Variants in DCAF8L2 observed in about 807,000 individuals in gnomAD.
The protein encoded by DCAF8L2 is DDB1- and CUL4-associated factor 8-like protein 2.
For synonymous variants in DCAF8L2, 200 were observed against 190.9 expected, an observed-to-expected ratio of 1.05 and a Z score of -0.39; for missense variants, 430 against 490.7, an observed-to-expected ratio of 0.88 and a Z score of 1.17.
chrX:27,642,790 T>C (rs1042028450), intron 2 of DCAF8L2, among the ~76,000 whole-genome samples: 1 of 111,997 alleles, frequency 8.9e-6, no homozygotes, highest in Non-Finnish European at 1.9e-5. Context: ...CAAATATAAT[T>C]GATACACTAT....
At chrX:27,656,238 A>G (rs940681044) in intron 2 of DCAF8L2, among the ~76,000 whole-genome samples, 2 of 112,310 alleles carry the variant, frequency 1.8e-5, no homozygotes, top group African/African-American at 6.5e-5. Flanking sequence ...AAACTCTCCC[A>G]AGCATTTACA....
the DCAF8L2 span, among the ~76,000 whole-genome samples, chrX:27,481,729 G>C: frequency 2.7e-5 from 3 of 111,732 alleles, no homozygotes; most frequent in Non-Finnish European, 3.8e-5. Flanking sequence ...TTCATTCACT[G>C]AGCTAGAAAA....
chrX:27,637,046 G>A (rs368722268), intron 2 of DCAF8L2, among the ~76,000 whole-genome samples: 1 of 111,592 alleles, frequency 9.0e-6, no homozygotes, highest in African/African-American at 3.3e-5. Context: ...CAGTTTAAAG[G>A]TTCTCCGAAA....
intron 4 of DCAF8L2, among the ~76,000 whole-genome samples, chrX:27,742,691 C>T (rs1326139544): frequency 2.7e-5 from 3 of 111,607 alleles, no homozygotes; most frequent in Non-Finnish European, 5.6e-5. Flanking sequence ...TACTAAAAGT[C>T]TATGCTCTTG....
chrX:27,567,123 T>A, the DCAF8L2 span, among the ~76,000 whole-genome samples: 1 of 111,482 alleles, frequency 9.0e-6, no homozygotes, highest in Admixed American at 9.6e-5. Context: ...TCTTCTTAAA[T>A]CTGTTAAGAC....
chrX:27,703,074 TAAG>T (rs1050247704), intron 3 of DCAF8L2, among the ~76,000 whole-genome samples: 8 of 111,287 alleles, frequency 7.2e-5, no homozygotes, highest in African/African-American at 1.3e-4. Context: ...AAAATGTAAT[TAAG>T]AAAACAATTA....
the DCAF8L2 span, among the ~76,000 whole-genome samples, chrX:27,562,801 C>G: frequency 8.9e-6 from 1 of 112,127 alleles, no homozygotes; most frequent in African/African-American, 3.2e-5. Context: ...TATTCTCTGC[C>G]TCGGAAGCAA....
the DCAF8L2 span, among the ~76,000 whole-genome samples, chrX:27,497,545 C>CTTTCTTTCTTTCTTTCTTTCTTTCT: frequency 1.3e-5 from 1 of 76,982 alleles, no homozygotes; most frequent in African/African-American, 7.7e-5. Context: ...TCCTTCCTTC[C>CTTTCTTTCTTTCTTTCTTTCTTTCT]TTCCTTCTTT....
chrX:27,671,236 T>A (rs1429672191), intron 2 of DCAF8L2, among the ~76,000 whole-genome samples: 1 of 112,325 alleles, frequency 8.9e-6, no homozygotes, highest in African/African-American at 3.2e-5. Flanking sequence ...AGTTGGTTGC[T>A]ACTGAGTACC....
chrX:27,669,319 ACT>A (rs1255853983), intron 2 of DCAF8L2, among the ~76,000 whole-genome samples: 5 of 110,516 alleles, frequency 4.5e-5, no homozygotes, highest in Non-Finnish European at 9.5e-5. Context: ...CAAAACTATC[ACT>A]GACTGTTAGA....
At chrX:27,485,830 T>C in the DCAF8L2 span, among the ~76,000 whole-genome samples, 5 of 110,000 alleles carry the variant, frequency 4.5e-5, no homozygotes, top group Admixed American at 9.9e-5. Flanking sequence ...TATTACAAGG[T>C]TTTCAAAAAT....
At position 27,748,664 on chromosome X, in the gene DCAF8L2, G is replaced by T; in HGVS notation, c.1769G>T (p.Arg590Ile). ...TTCCTCCTGCGTCACGTGACGCAGA[G>T]AGGTCGTCACCAGGACTGGAGAAGT... ...LWFLLRHVTQ[R>I]GRHQDWRSGE... Residue 590 changes from arginine (R) to isoleucine (I), a missense_variant, in exon 5 of 5, where the codon AGA becomes ATA. By Grantham distance (97) the Arg-to-Ile change is moderately conservative. Coordinates refer to ENST00000451261, the MANE Select transcript of DCAF8L2 (RefSeq NM_001353450.2). 1.7e-6 allele frequency: 2 copies of T among 1,196,336 alleles called. No homozygotes were observed. The highest frequency in any genetic ancestry group is 2.3e-6 in the Non-Finnish European group (2 of 886,686).
At chrX:27,514,700 A>C in the DCAF8L2 span, among the ~76,000 whole-genome samples, 4 of 100,063 alleles carry the variant, frequency 4.0e-5, no homozygotes, top group Non-Finnish European at 7.8e-5. Flanking sequence ...AAAAAACAAA[A>C]AAAAAAAACA....
chrX:27,504,742 T>C, the DCAF8L2 span, among the ~76,000 whole-genome samples: 2 of 111,251 alleles, frequency 1.8e-5, no homozygotes, highest in Non-Finnish European at 3.8e-5. Context: ...GGTGAATATT[T>C]AGGATGAAAT....
intron 3 of DCAF8L2, among the ~76,000 whole-genome samples, chrX:27,697,811 TG>T (rs1930981711): frequency 9.1e-6 from 1 of 110,253 alleles, no homozygotes; most frequent in Admixed American, 9.7e-5. Context: ...GGGAGAATAT[TG>T]TTTTTAATAC....
Position 27,642,843 on chromosome X carries a change from A to G in DCAF8L2, c.-220+10843A>G, listed in dbSNP as rs190295150. Among the ~76,000 whole-genome samples, 477 of 112,192 alleles carry G rather than the reference A, an allele frequency of 4.3e-3. 1 individual carries two copies. The highest frequency in any genetic ancestry group is 0.015 in the African/African-American group (451 of 30,920). On this transcript the variant is annotated intron_variant, in intron 2 of 4. Transcript: ENST00000451261. ...TTTGAAAAGAACATATATTCTCAATAATAGTGATGTACAACTTGGACGTTG... is the reference window on the plus strand; with the variant it reads ...TTTGAAAAGAACATATATTCTCAATGATAGTGATGTACAACTTGGACGTTG...
At chrX:27,512,529 C>G in the DCAF8L2 span, among the ~76,000 whole-genome samples, 1 of 106,132 alleles carries the variant, frequency 9.4e-6, no homozygotes, top group Admixed American at 1.0e-4. Flanking sequence ...ATTAAAAATA[C>G]AAAAATTAGC....
At chrX:27,593,168 A>G (rs781703036) in intron 1 of DCAF8L2, among the ~76,000 whole-genome samples, 1 of 111,553 alleles carries the variant, frequency 9.0e-6, no homozygotes, top group South Asian at 3.8e-4. Flanking sequence ...AACCATCACC[A>G]CCATCCACCT....
At chrX:27,522,603 G>A in the DCAF8L2 span, among the ~76,000 whole-genome samples, 3 of 111,412 alleles carry the variant, frequency 2.7e-5, no homozygotes, top group Non-Finnish European at 3.8e-5. Context: ...AAGCAATTCC[G>A]CATTTCCCCT....
Sources: gnomAD v4.1 joint callset for allele counts (sites outside exome capture counted in the v4.1 genomes callset) on GRCh38, gnomAD v4.1.1 for gene constraint, MANE v1.5 for transcripts, NCBI Gene and HGNC (gene_info 2026-07-23, HGNC 2026-07-21) for gene names.